Variants in KMT2C observed in about 807,000 individuals in gnomAD.
KMT2C encodes the protein lysine methyltransferase 2C.
In KMT2C, 88 loss-of-function variants were observed where a neutral mutation model predicts 507.9. That is an observed-to-expected ratio of 0.17 (90% confidence interval 0.15 to 0.21). KMT2C has a LOEUF of 0.21. KMT2C is among the 10% of genes least tolerant of loss of function. The pLI, the probability that KMT2C is intolerant of heterozygous loss-of-function variation, is 1.00. For missense variants in KMT2C, 4,954 were observed against 5,957.8 expected (o/e 0.83, Z 5.55); for synonymous variants, 2,049 against 2,080.8 (o/e 0.98, Z 0.42).
intron 38 of KMT2C, among the ~76,000 whole-genome samples, chr7:152,174,591 G>A (rs1240876895): frequency 6.6e-6 from 1 of 152,036 alleles, no homozygotes; most frequent in Non-Finnish European, 1.5e-5. Context: ...CAATACTAAG[G>A]AATTCTACTA....
At chr7:152,180,209 T>A (rs1032639076) in intron 36 of KMT2C, 83 bp from the exon 37 acceptor site, 14 of 1,440,550 alleles carry the variant, frequency 9.7e-6, no homozygotes, top group Non-Finnish European at 1.3e-5. Flanking sequence ...TTTTTAGATA[T>A]GGGATCTTGC....
At chr7:152,352,904 A>C (rs561946901) in intron 2 of KMT2C, among the ~76,000 whole-genome samples, 15 of 152,244 alleles carry the variant, frequency 9.9e-5, no homozygotes, top group Non-Finnish European at 1.8e-4. Context: ...CCCATGAGCC[A>C]AACTATGACA....
In KMT2C at chr7:152,424,418, C is replaced by CT. The variant is rs35341900; in HGVS notation, c.161+11207dup. ...TTAGCTAGGTGGTTCCTCTGTTAAT[C>CT]TTTTTTTTGTGTGTGAGAGAGAGAA... is the stretch of plus-strand genomic sequence containing the variant. On this transcript the variant is annotated intron_variant, in intron 1 of 58. Transcript: ENST00000262189. Among the ~76,000 whole-genome samples the CT allele has an allele frequency of 5.3e-5, 8 of 151,978 alleles. 1 individual carries two copies. In the East Asian group the frequency reaches 9.7e-4, roughly 18 times the overall value.
Position 152,330,697 on chromosome 7 carries a change from A to G in KMT2C, c.293T>C (p.Val98Ala), listed in dbSNP as rs757337368. 5.0e-6 allele frequency: 8 copies of G among 1,613,922 alleles called. No homozygotes were observed. The highest frequency in any genetic ancestry group is 1.7e-5 in the Admixed American group (1 of 60,024). ...QSAEEDAEAE[V>A]DNSKQLIPTL... ...TGGAATTAGCTGTTTGCTGTTATCCACTTCTGCTTCAGCATCCTCTTCTGC... is the reference window on the plus strand; with the variant it reads ...TGGAATTAGCTGTTTGCTGTTATCCGCTTCTGCTTCAGCATCCTCTTCTGC... The change falls in exon 3 of 59, where the codon GTG becomes GCG. Residue 98 changes from valine to alanine, a missense_variant. Physicochemically the swap from Val to Ala is moderately conservative, Grantham distance 64. This residue lies in a region of KMT2C where 233 missense variants were observed against 263.6 expected (regional missense o/e 0.88). Transcript: ENST00000262189.
At chr7:152,218,557 T>TA (rs2094653326) in intron 23 of KMT2C, among the ~76,000 whole-genome samples, 1 of 152,216 alleles carries the variant, frequency 6.6e-6, no homozygotes, top group Non-Finnish European at 1.5e-5. Context: ...CTCTTGCACC[T>TA]AATCATCTAT....
In KMT2C at chr7:152,311,924, T is replaced by C. The variant is rs1390701611; in HGVS notation, c.613A>G (p.Ile205Val). Reference protein sequence around the residue: ...QRKERSPQQNIVSCVSVSTQT... With the variant: ...QRKERSPQQNVVSCVSVSTQT... ...GTGCTTACACTTACACAAGATACTA[T>C]ATTCTGCTGAGGAGATCGTTCTCTG... is the stretch of plus-strand genomic sequence containing the variant. The change falls in exon 5 of 59, where the codon ATA becomes GTA. Residue 205 changes from isoleucine to valine, a missense_variant. Physicochemically the swap from Ile to Val is conservative, Grantham distance 29. Coordinates refer to ENST00000262189, the MANE Select transcript of KMT2C (RefSeq NM_170606.3). 4 of 1,604,378 alleles carry C rather than the reference T, an allele frequency of 2.5e-6. No individual in the cohort carries two copies. The highest frequency in any genetic ancestry group is 1.7e-6 in the Non-Finnish European group (2 of 1,173,354).
rs1192095973 is a variant in KMT2C, at chr7:152,179,974, T to C, written c.7302A>G (p.Arg2434=). The change falls in exon 37 of 59, where the codon AGA becomes AGG. Residue 2434 remains arginine, a synonymous_variant. Transcript: ENST00000262189. ...TGTTCCCAGGATAGGGAGGTGGGGG[T>C]CTGGTGAAAGCCTGGTTAACATTCT... ...QPENVNQAFT[R]PPPPYPGNIR... 1.2e-6 allele frequency: 2 copies of C among 1,613,560 alleles called. No individual in the cohort carries two copies. Among genetic ancestry groups the C allele is most frequent in the South Asian group, 2.2e-5 (2 of 91,038 alleles).
At chr7:152,338,269 C>T (rs930812351) in intron 2 of KMT2C, among the ~76,000 whole-genome samples, 43 of 152,076 alleles carry the variant, frequency 2.8e-4, no homozygotes, top group Non-Finnish European at 2.1e-4. Flanking sequence ...GATCTATGCT[C>T]CAGAGTTAAT....
rs1321521913 is a variant in KMT2C, at chr7:152,181,624, G to A, written c.6236C>T (p.Pro2079Leu). 2 of 1,614,056 alleles carry A rather than the reference G, an allele frequency of 1.2e-6. No individual in the cohort carries two copies. The highest frequency in any genetic ancestry group is 1.1e-5 in the South Asian group (1 of 91,066). Reference sequence around the variant, plus strand: ...ATGAGAAAAATTATCTATAGGTCTTGGTGTCAAAGCAGGCCTTTCATAAGG... The same window carrying A: ...ATGAGAAAAATTATCTATAGGTCTTAGTGTCAAAGCAGGCCTTTCATAAGG... ...VDPYERPALT[P>L]RPIDNFSHNQ... Residue 2079 changes from proline to leucine, a missense_variant, in exon 36 of 59, where the codon CCA (proline) becomes CTA (leucine). This residue lies in a region of KMT2C where 1,689 missense variants were observed against 1,654.3 expected (regional missense o/e 1.02). Coordinates refer to ENST00000262189, the MANE Select transcript of KMT2C (RefSeq NM_170606.3).
chr7:152,413,183 T>A (rs1398694132), intron 1 of KMT2C, among the ~76,000 whole-genome samples: 2 of 152,288 alleles, frequency 1.3e-5, no homozygotes, highest in East Asian at 3.9e-4. Context: ...GGTGCGATTT[T>A]ACCTCACTGC....
intron 4 of KMT2C, chr7:152,312,233 A>G (rs572141322): frequency 2.4e-5 from 5 of 211,384 alleles, no homozygotes; most frequent in African/African-American, 1.1e-4. Flanking sequence ...TGTTTTTAAA[A>G]CCAACTCTCA....
intron 1 of KMT2C, among the ~76,000 whole-genome samples, chr7:152,410,531 C>A (rs1253510614): frequency 1.3e-5 from 2 of 151,252 alleles, no homozygotes; most frequent in East Asian, 1.9e-4. Context: ...TGAGCCGAGA[C>A]AGCGCCACTG....
At chr7:152,259,453 C>T (rs2095725102) in intron 9 of KMT2C, among the ~76,000 whole-genome samples, 2 of 122,950 alleles carry the variant, frequency 1.6e-5, no homozygotes, top group Non-Finnish European at 3.2e-5. Context: ...CGCGCACACA[C>T]ACACACACAC....
chr7:152,341,985 A>C (rs1440564735), intron 2 of KMT2C, among the ~76,000 whole-genome samples: 1 of 152,240 alleles, frequency 6.6e-6, no homozygotes, highest in African/African-American at 2.4e-5. Context: ...CTGTATACTT[A>C]AACCATATGC....
In KMT2C at chr7:152,390,056, C is replaced by T. The variant is rs565067459; in HGVS notation, c.162-31381G>A. Reference sequence around the variant, plus strand: ...GATGGAAGTAATAGACTAGAGATTCCAAAAGAGAAGGTAGAAGAGGAGGCA... The same window carrying T: ...GATGGAAGTAATAGACTAGAGATTCTAAAAGAGAAGGTAGAAGAGGAGGCA... On this transcript the variant is annotated intron_variant, in intron 1 of 58. Transcript: ENST00000262189. Among the ~76,000 whole-genome samples the T allele has an allele frequency of 8.5e-5, 13 of 152,222 alleles. No homozygotes were observed. In the East Asian group the frequency reaches 2.5e-3, roughly 29 times the overall value.
chr7:152,185,000 G>A (rs1350614173), intron 34 of KMT2C, among the ~76,000 whole-genome samples: 2 of 152,116 alleles, frequency 1.3e-5, no homozygotes, highest in Admixed American at 1.3e-4. Flanking sequence ...AAAGCCATCT[G>A]CCCACCTTGG....
At chr7:152,158,047 C>A in intron 44 of KMT2C, 1 of 552,674 alleles carries the variant, frequency 1.8e-6, no homozygotes, top group Non-Finnish European at 2.8e-6. Context: ...TTAAAATTTT[C>A]AAGTATCAAA....
intron 58 of KMT2C, chr7:152,137,282 CCT>C (rs2089965427): frequency 5.4e-6 from 1 of 183,766 alleles, no homozygotes; most frequent in South Asian, 1.3e-4. Context: ...TTTCACCTCC[CCT>C]GATTTACTGA....
At chr7:152,304,550 G>A (rs569382634) in intron 6 of KMT2C, among the ~76,000 whole-genome samples, 1 of 151,968 alleles carries the variant, frequency 6.6e-6, no homozygotes, top group Non-Finnish European at 1.5e-5. Context: ...AATGTTCAAC[G>A]CCCCAGGACA....
Sources: gnomAD v4.1 joint callset for allele counts (sites outside exome capture counted in the v4.1 genomes callset) on GRCh38, gnomAD v4.1.1 for gene constraint, gnomAD v4.1.1 regional missense constraint, MANE v1.5 for transcripts, NCBI Gene and HGNC (gene_info 2026-07-23, HGNC 2026-07-21) for gene names.